PHACTR1: variants seen among roughly 807,000 people sequenced by gnomAD.
The protein encoded by PHACTR1 is RPEL repeat containing 1.
A neutral mutation model predicts 69.2 loss-of-function variants in PHACTR1; 16 were observed. That is an observed-to-expected ratio of 0.23 (90% CI 0.16 to 0.35). The LOEUF (loss-of-function observed/expected upper bound fraction) is 0.35, where lower values mean the gene tolerates loss of function less well. Ranked by LOEUF, PHACTR1 falls within the 10% of genes least tolerant of loss-of-function variation. The pLI is 1.00. For synonymous variants in PHACTR1, 312 were observed against 284.5 expected (o/e 1.10, Z -0.97); for missense variants, 510 against 734.7 (o/e 0.69, Z 3.54).
At chr6:13,020,099 C>G (rs747844258) in intron 4 of PHACTR1, among the ~76,000 whole-genome samples, 8 of 152,070 alleles carry the variant, frequency 5.3e-5, no homozygotes, top group Non-Finnish European at 8.8e-5. Flanking sequence ...CTTACTTCAC[C>G]CCACAGGCTG....
intron 4 of PHACTR1, among the ~76,000 whole-genome samples, chr6:12,962,710 T>C (rs1792908012): frequency 6.6e-6 from 1 of 152,208 alleles, no homozygotes; most frequent in African/African-American, 2.4e-5. Flanking sequence ...GTGACAGCTG[T>C]TCTTGGAGAA....
At chr6:12,984,733 G>A (rs557824148) in intron 4 of PHACTR1, among the ~76,000 whole-genome samples, 1 of 152,128 alleles carries the variant, frequency 6.6e-6, no homozygotes, top group South Asian at 2.1e-4. Flanking sequence ...ACTGGGGAGA[G>A]GATGGGTCCT....
chr6:13,189,969 C>T (rs904869761), intron 7 of PHACTR1, among the ~76,000 whole-genome samples: 2 of 150,662 alleles, frequency 1.3e-5, no homozygotes, highest in Admixed American at 6.6e-5. Context: ...GCTCCCTTCT[C>T]TCTATGTTCT....
intron 5 of PHACTR1, among the ~76,000 whole-genome samples, chr6:13,124,059 C>G (rs560160579): frequency 1.8e-4 from 28 of 152,304 alleles, no homozygotes; most frequent in Admixed American, 1.5e-3. Flanking sequence ...CCCCCACTAT[C>G]CAAAAGGCTG....
intron 4 of PHACTR1, among the ~76,000 whole-genome samples, chr6:13,004,523 A>G (rs2127631502): frequency 6.6e-6 from 1 of 152,346 alleles, no homozygotes; most frequent in South Asian, 2.1e-4. Context: ...GATTCTGAAT[A>G]TTAGTTCTTT....
intron 7 of PHACTR1, among the ~76,000 whole-genome samples, chr6:13,195,081 C>G (rs991172709): frequency 7.2e-5 from 11 of 152,084 alleles, no homozygotes; most frequent in Non-Finnish European, 1.3e-4. Flanking sequence ...TGCCTTTGAC[C>G]AAGGCAAAAC....
At chr6:13,065,654 G>GT (rs1278200085) in intron 5 of PHACTR1, among the ~76,000 whole-genome samples, 1 of 152,118 alleles carries the variant, frequency 6.6e-6, no homozygotes, top group African/African-American at 2.4e-5. Context: ...TGAGGGGGAT[G>GT]TTTTTTAAGA....
chr6:12,798,362 G>A (rs1052178555), intron 4 of PHACTR1, among the ~76,000 whole-genome samples: 1 of 151,872 alleles, frequency 6.6e-6, no homozygotes, highest in African/African-American at 2.4e-5. Flanking sequence ...AACTTGAGGG[G>A]TAGAGATTAC....
At chr6:12,999,880 C>T (rs564638745) in intron 4 of PHACTR1, among the ~76,000 whole-genome samples, 2 of 152,332 alleles carry the variant, frequency 1.3e-5, no homozygotes, top group African/African-American at 4.8e-5. Context: ...AACACTAAAG[C>T]AGCTAGGACT....
At chr6:12,986,131 T>C (rs1796157789) in intron 4 of PHACTR1, among the ~76,000 whole-genome samples, 1 of 152,152 alleles carries the variant, frequency 6.6e-6, no homozygotes, top group Middle Eastern at 3.2e-3. Flanking sequence ...CCACCGCGCC[T>C]GGGCTAAAAA....
At chr6:12,931,490 G>A (rs558988862) in intron 4 of PHACTR1, among the ~76,000 whole-genome samples, 156 of 152,216 alleles carry the variant, frequency 1.0e-3, no homozygotes, top group African/African-American at 3.5e-3. Flanking sequence ...AATGTCCAGA[G>A]ACCCAAAATA....
intron 10 of PHACTR1, among the ~76,000 whole-genome samples, chr6:13,261,585 C>T (rs1775917313): frequency 6.6e-6 from 1 of 152,316 alleles, no homozygotes; most frequent in Admixed American, 6.5e-5. Context: ...TGCACCTGCT[C>T]AGATTCTATG....
intron 4 of PHACTR1, among the ~76,000 whole-genome samples, chr6:12,786,524 G>A (rs1426313373): frequency 3.3e-5 from 5 of 152,192 alleles, no homozygotes; most frequent in Non-Finnish European, 7.3e-5. Context: ...TGGAAAGTGC[G>A]AATTGTTAAT....
In PHACTR1 at chr6:13,177,012, C is replaced by G. The variant is rs75677181; in HGVS notation, c.497-5507C>G. On this transcript the variant is annotated intron_variant, in intron 6 of 14. Coordinates refer to ENST00000332995, the MANE Select transcript of PHACTR1 (RefSeq NM_030948.6). ...CCTAAACTCCAGAGGGTCCTGAACC[C>G]TGAGCCTTTTCAGAATAAAATGTCC... 7.1e-3 allele frequency among the ~76,000 whole-genome samples: 1,078 copies of G among 151,892 alleles called. 18 individuals are homozygous for G. The highest frequency in any genetic ancestry group is 0.025 in the African/African-American group (1,030 of 41,382).
chr6:12,777,221 T>TTTTA (rs1554137226), intron 4 of PHACTR1, among the ~76,000 whole-genome samples: 46 of 143,818 alleles, frequency 3.2e-4, no homozygotes, highest in Non-Finnish European at 5.8e-4. Flanking sequence ...GACTACGGTT[T>TTTTA]TATATATATA....
At chr6:12,912,764 G>A (rs1211081057) in intron 4 of PHACTR1, among the ~76,000 whole-genome samples, 6 of 152,116 alleles carry the variant, frequency 3.9e-5, no homozygotes, top group African/African-American at 1.4e-4. Context: ...ATTAGCCAGG[G>A]CAATATGGCA....
intron 4 of PHACTR1, among the ~76,000 whole-genome samples, chr6:13,026,320 T>A (rs4492189): frequency 0.52 from 78,544 of 151,954 alleles, 21,692 homozygotes; most frequent in East Asian, 0.83. Flanking sequence ...AAGTTTCAGT[T>A]CCAGTAGCCT....
chr6:13,003,834 A>G lies in PHACTR1; in HGVS notation c.251-49531A>G, dbSNP rs138986576. Among the ~76,000 whole-genome samples the G allele has an allele frequency of 7.2e-3, 1,093 of 151,170 alleles. 14 individuals are homozygous for G. Among genetic ancestry groups the G allele is most frequent in the African/African-American group, 0.026 (1,061 of 41,002 alleles). ...TGAGCTCCTACTTATAAGTGAGAAC[A>G]TGTGGTATTTGACTTTCTGTCTCTG... On this transcript the variant is annotated intron_variant, in intron 4 of 14. Transcript: ENST00000332995.
intron 4 of PHACTR1, among the ~76,000 whole-genome samples, chr6:12,895,963 A>G (rs1477321807): frequency 6.6e-6 from 1 of 152,228 alleles, no homozygotes; most frequent in Non-Finnish European, 1.5e-5. Context: ...TTCCTAGTGA[A>G]GAAGCCCTCT....
Sources: gnomAD v4.1 joint callset for allele counts (sites outside exome capture counted in the v4.1 genomes callset) on GRCh38, gnomAD v4.1.1 for gene constraint, MANE v1.5 for transcripts, NCBI Gene and HGNC (gene_info 2026-07-23, HGNC 2026-07-21) for gene names.